EHBP1: variants seen among roughly 807,000 people sequenced by gnomAD.
The protein encoded by EHBP1 is EH domain-binding protein 1.
In EHBP1, 55 loss-of-function variants were observed where a neutral mutation model predicts 144.0. That is an observed-to-expected ratio of 0.38 (90% CI 0.31 to 0.48). EHBP1 has a LOEUF of 0.48. EHBP1 is among the 20% of genes least tolerant of loss of function. The pLI is 0.98. For synonymous variants in EHBP1, 469 were observed against 472.7 expected (o/e 0.99, Z 0.10); for missense variants, 1,200 against 1,364.2 (o/e 0.88, Z 1.90).
chr2:62,735,552 T>C (rs1400090872), intron 2 of EHBP1, among the ~76,000 whole-genome samples: 2 of 152,328 alleles, frequency 1.3e-5, no homozygotes, highest in East Asian at 1.9e-4. Flanking sequence ...TAAACTGTTA[T>C]CTGTTAGATC....
intron 14 of EHBP1, among the ~76,000 whole-genome samples, chr2:62,959,280 T>C (rs2057879120): frequency 6.6e-6 from 1 of 152,194 alleles, no homozygotes; most frequent in African/African-American, 2.4e-5. Context: ...CATCTGTCAA[T>C]AGACATTTAG....
chr2:62,995,790 T>G (rs2059605165), intron 18 of EHBP1, among the ~76,000 whole-genome samples: 1 of 152,110 alleles, frequency 6.6e-6, no homozygotes, highest in Admixed American at 6.6e-5. Flanking sequence ...TAAATAACCC[T>G]GACTTTGATG....
intron 4 of EHBP1, among the ~76,000 whole-genome samples, chr2:62,767,618 T>C (rs2041294139): frequency 6.6e-6 from 1 of 151,992 alleles, no homozygotes; most frequent in South Asian, 2.1e-4. Context: ...GGAGATCGTT[T>C]GAGCTCAGGA....
chr2:62,950,704 A>C (rs1162107525), intron 13 of EHBP1, among the ~76,000 whole-genome samples: 1 of 150,454 alleles, frequency 6.6e-6, no homozygotes, highest in Non-Finnish European at 1.5e-5. Context: ...TTTTTTTTTG[A>C]AACAGAGTTT....
intron 1 of EHBP1, among the ~76,000 whole-genome samples, chr2:62,699,550 T>G (rs2034210219): frequency 6.6e-6 from 1 of 152,208 alleles, no homozygotes; most frequent in South Asian, 2.1e-4. Flanking sequence ...GAAAGTATCT[T>G]AAGTAGTTAG....
At chr2:62,964,097 A>T (rs547981595) in intron 14 of EHBP1, among the ~76,000 whole-genome samples, 1 of 152,234 alleles carries the variant, frequency 6.6e-6, no homozygotes, top group Non-Finnish European at 1.5e-5. Flanking sequence ...CAAGTCTGCT[A>T]TCCTAACAAT....
chr2:62,830,771 C>T (rs1233193275), intron 6 of EHBP1, among the ~76,000 whole-genome samples: 2 of 152,138 alleles, frequency 1.3e-5, no homozygotes, highest in Non-Finnish European at 2.9e-5. Flanking sequence ...TTTATGGCTT[C>T]AGGTTTAGAT....
At chr2:62,730,961 T>A (rs1194067221) in intron 2 of EHBP1, among the ~76,000 whole-genome samples, 2 of 117,676 alleles carry the variant, frequency 1.7e-5, no homozygotes, top group South Asian at 5.7e-4. Flanking sequence ...AGAAAGATAC[T>A]TGTGGGGAGT....
At chr2:63,022,180 G>A (rs942706912) in intron 19 of EHBP1, among the ~76,000 whole-genome samples, 3 of 152,126 alleles carry the variant, frequency 2.0e-5, no homozygotes, top group East Asian at 1.9e-4. Flanking sequence ...CTGAATAGTC[G>A]TGAACCTTAC....
At chr2:62,712,009 A>G (rs910412165) in intron 2 of EHBP1, among the ~76,000 whole-genome samples, 6 of 152,196 alleles carry the variant, frequency 3.9e-5, no homozygotes, top group African/African-American at 1.4e-4. Context: ...GGAGAGAGAC[A>G]AGGGTTCAAG....
intron 9 of EHBP1, among the ~76,000 whole-genome samples, chr2:62,870,738 C>CATACATATATATATATATATAT (rs1558828727): frequency 2.2e-5 from 3 of 139,098 alleles, no homozygotes; most frequent in African/African-American, 5.4e-5. Flanking sequence ...AAAAAAAATA[C>CATACATATATATATATATATAT]ATATATATAT....
At chr2:62,782,636 G>T (rs888012116) in intron 5 of EHBP1, among the ~76,000 whole-genome samples, 1 of 152,130 alleles carries the variant, frequency 6.6e-6, no homozygotes, top group African/African-American at 2.4e-5. Flanking sequence ...AGCAAAGGGG[G>T]TAAGCCCCTT....
intron 2 of EHBP1, among the ~76,000 whole-genome samples, chr2:62,739,151 A>T (rs1288049179): frequency 6.6e-6 from 1 of 152,222 alleles, no homozygotes; most frequent in South Asian, 2.1e-4. Flanking sequence ...GGCTTAGATG[A>T]TGCAACCAGA....
At chr2:62,989,870 T>C (rs1262590031) in intron 15 of EHBP1, among the ~76,000 whole-genome samples, 6 of 152,260 alleles carry the variant, frequency 3.9e-5, no homozygotes, top group Non-Finnish European at 8.8e-5. Flanking sequence ...CCATAGTTCA[T>C]CAGATATTGT....
intron 7 of EHBP1, among the ~76,000 whole-genome samples, chr2:62,834,587 G>C (rs568628169): frequency 1.3e-5 from 2 of 152,134 alleles, no homozygotes; most frequent in African/African-American, 2.4e-5. Context: ...TAGTATAAAC[G>C]TAACTTTTAT....
chr2:62,922,166 C>T (rs2055144535), intron 10 of EHBP1, among the ~76,000 whole-genome samples: 1 of 152,144 alleles, frequency 6.6e-6, no homozygotes, highest in Admixed American at 6.5e-5. Context: ...CAGAGCAAGA[C>T]TCCGTCTCAA....
In EHBP1 at chr2:62,802,961, G is replaced by A. The variant is rs540637003; in HGVS notation, c.313-23126G>A. ...GCTGGTCTCGAACTCCTGACCTCAGGTGATCCGCCCACGTTGGCCTCCCAA... is the reference window on the plus strand; with the variant it reads ...GCTGGTCTCGAACTCCTGACCTCAGATGATCCGCCCACGTTGGCCTCCCAA... On this transcript the variant is annotated intron_variant, in intron 5 of 22. Coordinates refer to ENST00000431489, the MANE Select transcript of EHBP1 (RefSeq NM_001142616.3). 2.1e-3 allele frequency among the ~76,000 whole-genome samples: 314 copies of A among 152,226 alleles called. 3 individuals carry two copies. The highest frequency in any genetic ancestry group is 6.6e-3 in the African/African-American group (274 of 41,538).
chr2:62,799,509 C>G (rs2043820632), intron 5 of EHBP1, among the ~76,000 whole-genome samples: 1 of 152,166 alleles, frequency 6.6e-6, no homozygotes, highest in Non-Finnish European at 1.5e-5. Context: ...CCTTCCTGCT[C>G]TTAGACAATG....
At chr2:62,692,586 A>G (rs562230010) in intron 1 of EHBP1, among the ~76,000 whole-genome samples, 1 of 152,314 alleles carries the variant, frequency 6.6e-6, no homozygotes, top group African/African-American at 2.4e-5. Context: ...GGTGTAAAGT[A>G]GTATCTTACT....
Sources: gnomAD v4.1 joint callset for allele counts (sites outside exome capture counted in the v4.1 genomes callset) on GRCh38, gnomAD v4.1.1 for gene constraint, MANE v1.5 for transcripts, NCBI Gene and HGNC (gene_info 2026-07-23, HGNC 2026-07-21) for gene names.